MIPOL1: variants seen among roughly 807,000 people sequenced by gnomAD.
The protein encoded by MIPOL1 is mirror-image polydactyly 1.
In MIPOL1, 57 loss-of-function variants were observed where a neutral mutation model predicts 60.9. That is an observed-to-expected ratio of 0.94 (90% confidence interval 0.76 to 1.17). The LOEUF (loss-of-function observed/expected upper bound fraction) is 1.17. Among genes scored for constraint, MIPOL1 ranks in the 50% most tolerant of loss-of-function variants. MIPOL1 has a pLI of 0.00. For missense variants in MIPOL1, 551 were observed against 511.6 expected, an observed-to-expected ratio of 1.08 and a Z score of -0.74; for synonymous variants, 179 against 168.8, an observed-to-expected ratio of 1.06 and a Z score of -0.47.
intron 1 of MIPOL1, among the ~76,000 whole-genome samples, chr14:37,240,006 A>G (rs1028708477): frequency 1.3e-5 from 2 of 152,192 alleles, no homozygotes; most frequent in East Asian, 1.9e-4. Context: ...AGCAAATTAC[A>G]TAGATAAATA....
chr14:37,478,667 G>A (rs1173379271), intron 11 of MIPOL1, among the ~76,000 whole-genome samples: 1 of 151,988 alleles, frequency 6.6e-6, no homozygotes, highest in Non-Finnish European at 1.5e-5. Flanking sequence ...CTATCTACAA[G>A]AGACTAACTT....
intron 9 of MIPOL1, among the ~76,000 whole-genome samples, chr14:37,351,976 G>T (rs1355393157): frequency 2.1e-5 from 3 of 140,986 alleles, no homozygotes; most frequent in East Asian, 2.2e-4. Context: ...TGAAGTCCTT[G>T]CCCATGCCTA....
intron 7 of MIPOL1, among the ~76,000 whole-genome samples, chr14:37,305,848 A>T (rs936887033): frequency 3.3e-5 from 5 of 151,854 alleles, no homozygotes; most frequent in Non-Finnish European, 5.9e-5. Context: ...CAAGATTGAG[A>T]TCCAAATGCT....
intron 3 of MIPOL1, chr14:37,265,216 T>A (rs2082789291): frequency 6.6e-6 from 1 of 152,212 alleles, no homozygotes; most frequent in Non-Finnish European, 1.5e-5. Flanking sequence ...GTTTGCTACT[T>A]CGCATATCCC....
intron 1 of MIPOL1, among the ~76,000 whole-genome samples, chr14:37,234,938 G>A (rs1213159983): frequency 2.1e-5 from 3 of 143,600 alleles, no homozygotes; most frequent in African/African-American, 7.7e-5. Flanking sequence ...ACCACGTACG[G>A]CTAATTTTTT....
intron 9 of MIPOL1, among the ~76,000 whole-genome samples, chr14:37,310,066 C>T (rs2087182942): frequency 6.6e-6 from 1 of 152,130 alleles, no homozygotes; most frequent in Non-Finnish European, 1.5e-5. Flanking sequence ...CACCCCAACA[C>T]ACACACATCT....
intron 10 of MIPOL1, among the ~76,000 whole-genome samples, chr14:37,388,746 C>A (rs2093149585): frequency 6.6e-6 from 1 of 151,942 alleles, no homozygotes; most frequent in African/African-American, 2.4e-5. Flanking sequence ...TCATATAATA[C>A]CTACTCTTTT....
At chr14:37,308,185 AAG>A (rs1467562693) in intron 8 of MIPOL1, 96 bp downstream of exon 8, 7 of 1,304,188 alleles carry the variant, frequency 5.4e-6, no homozygotes, top group Non-Finnish European at 7.5e-6. Flanking sequence ...ATGTGGGAAA[AAG>A]AAGAATTGAC....
At chr14:37,409,095 C>A (rs575546807) in intron 10 of MIPOL1, among the ~76,000 whole-genome samples, 1 of 152,116 alleles carries the variant, frequency 6.6e-6, no homozygotes, top group Non-Finnish European at 1.5e-5. Context: ...TCTCTTGGCT[C>A]CCTCATGGAA....
Position 37,479,512 on chromosome 14 carries a change from C to A in MIPOL1, c.1032-20396C>A, listed in dbSNP as rs1473849629. 2.0e-5 allele frequency among the ~76,000 whole-genome samples: 3 copies of A among 151,944 alleles called. No individual in the cohort carries two copies. In the East Asian group the frequency reaches 5.8e-4, roughly 29 times the overall value. ...GAGACAAATGAAAATTGAAACACAA[C>A]ATACCAAAGCTTATGGTGTAGAGGA... is the stretch of plus-strand genomic sequence containing the variant. On this transcript the variant is annotated intron_variant, in intron 11 of 12. Coordinates refer to ENST00000684589, the MANE Select transcript of MIPOL1 (RefSeq NM_001388067.1).
intron 11 of MIPOL1, among the ~76,000 whole-genome samples, chr14:37,453,975 TG>T (rs1202025580): frequency 1.3e-5 from 2 of 152,232 alleles, no homozygotes; most frequent in African/African-American, 4.8e-5. Context: ...TTTCCATGTG[TG>T]CGATTTAAAT....
intron 11 of MIPOL1, among the ~76,000 whole-genome samples, chr14:37,446,205 A>G (rs2094332010): frequency 1.3e-5 from 2 of 152,226 alleles, no homozygotes; most frequent in East Asian, 1.9e-4. Flanking sequence ...AGAATCTACA[A>G]TGAACTCAAA....
intron 9 of MIPOL1, among the ~76,000 whole-genome samples, chr14:37,349,403 G>A (rs189918073): frequency 3.5e-4 from 53 of 152,250 alleles, no homozygotes; most frequent in African/African-American, 1.1e-3. Context: ...AGTAAAAGCC[G>A]TAGTCTTTAC....
intron 6 of MIPOL1, 110 bp downstream of exon 6, chr14:37,270,635 G>C: frequency 5.7e-6 from 2 of 351,080 alleles, no homozygotes; most frequent in Non-Finnish European, 4.8e-6. Flanking sequence ...AGGAGGGGAA[G>C]CTCTCCTTTT....
chr14:37,333,281 C>G (rs543767046), intron 9 of MIPOL1, among the ~76,000 whole-genome samples: 38 of 152,132 alleles, frequency 2.5e-4, no homozygotes, highest in African/African-American at 8.9e-4. Context: ...TTAATGTGTT[C>G]ATGGTATACC....
intron 11 of MIPOL1, among the ~76,000 whole-genome samples, chr14:37,435,680 G>A (rs998596823): frequency 2.0e-5 from 3 of 152,124 alleles, no homozygotes; most frequent in African/African-American, 7.2e-5. Flanking sequence ...GTGAGACTGA[G>A]TCTAGCAGTC....
At chr14:37,367,636 A>C (rs1292121234) in intron 9 of MIPOL1, among the ~76,000 whole-genome samples, 5 of 152,062 alleles carry the variant, frequency 3.3e-5, no homozygotes, top group African/African-American at 1.2e-4. Context: ...AAACAAGCCC[A>C]ACTCAGATGT....
At chr14:37,244,455 T>G (rs1261697811) in intron 1 of MIPOL1, among the ~76,000 whole-genome samples, 1 of 152,030 alleles carries the variant, frequency 6.6e-6, no homozygotes. Context: ...TTTTTCAGAA[T>G]TAAAAATAGC....
chr14:37,483,648 T>C (rs926260813), intron 11 of MIPOL1, among the ~76,000 whole-genome samples: 1 of 152,082 alleles, frequency 6.6e-6, no homozygotes, highest in Non-Finnish European at 1.5e-5. Flanking sequence ...GAAATGTTTT[T>C]TTTTAAGGGC....
Sources: allele counts gnomAD v4.1 joint callset (sites outside exome capture counted in the v4.1 genomes callset), GRCh38; gene constraint gnomAD v4.1.1; transcripts MANE v1.5; gene names NCBI Gene and HGNC (gene_info 2026-07-23, HGNC 2026-07-21).